Variants in GABPA observed in about 807,000 individuals in gnomAD.
The protein encoded by GABPA is GA-binding protein alpha chain.
GABPA carries 4 observed loss-of-function variants against 59.4 expected under a neutral mutation model. The observed-to-expected ratio is 0.07, with a 90% CI of 0.03 to 0.15. The LOEUF (loss-of-function observed/expected upper bound fraction) is 0.15. Ranked by LOEUF, GABPA falls within the 10% of genes least tolerant of loss-of-function variation. The pLI, the probability that GABPA is intolerant of heterozygous loss-of-function variation, is 1.00. For missense variants in GABPA, 251 were observed against 543.8 expected (o/e 0.46, Z 5.36); for synonymous variants, 164 against 183.1 (o/e 0.90, Z 0.84).
chr21:25,763,613 A>G (rs1172305085), intron 7 of GABPA, among the ~76,000 whole-genome samples: 1 of 152,202 alleles, frequency 6.6e-6, no homozygotes, highest in Non-Finnish European at 1.5e-5. Flanking sequence ...ACATGTTTAA[A>G]CATTGTTTGT....
chr21:25,742,581 T>C (rs947533452), intron 2 of GABPA, among the ~76,000 whole-genome samples: 2 of 152,120 alleles, frequency 1.3e-5, no homozygotes, highest in Non-Finnish European at 2.9e-5. Flanking sequence ...TGTATAGATA[T>C]TTGTGTTAGA....
chr21:25,759,115 G>A (rs554191199), intron 6 of GABPA, among the ~76,000 whole-genome samples: 3 of 152,202 alleles, frequency 2.0e-5, no homozygotes, highest in African/African-American at 7.2e-5. Flanking sequence ...GGCTGTCCAA[G>A]AAAACAAGGC....
rs149032768 is a variant in GABPA at position 25,746,714 on chromosome 21, G to C, written c.222+1360G>C. ...AAGTTTTTTTCTCTTAACAATGAGAGGATGAGTTAGCTTAGTCTTTTTGGA... is the reference window on the plus strand; with the variant it reads ...AAGTTTTTTTCTCTTAACAATGAGACGATGAGTTAGCTTAGTCTTTTTGGA... On this transcript the variant is annotated intron_variant, in intron 3 of 9. Coordinates refer to ENST00000400075, the MANE Select transcript of GABPA (RefSeq NM_002040.4). Among the ~76,000 whole-genome samples, 161 of 152,226 alleles carry C rather than the reference G, an allele frequency of 1.1e-3. 1 individual carries two copies. Among genetic ancestry groups the C allele is most frequent in the African/African-American group, 3.6e-3 (149 of 41,530 alleles).
At chr21:25,739,973 CTG>C (rs1193335759) in intron 1 of GABPA, among the ~76,000 whole-genome samples, 1 of 152,156 alleles carries the variant, frequency 6.6e-6, no homozygotes, top group East Asian at 1.9e-4. Flanking sequence ...TGAGAATAGA[CTG>C]TGAGGGGACA....
Position 25,741,190 on chromosome 21 carries a change from C to T in GABPA, c.-26-383C>T, listed in dbSNP as rs141347472. On this transcript the variant is annotated intron_variant, in intron 1 of 9. Transcript: ENST00000400075. ...TCGCCCATACTGGAGTGCAGTGGTG[C>T]GATCATGGCTCACTGCAGCCTCAGC... is the stretch of plus-strand genomic sequence containing the variant. 8.5e-3 allele frequency among the ~76,000 whole-genome samples: 1,288 copies of T among 152,140 alleles called. 20 individuals are homozygous for T. The highest frequency in any genetic ancestry group is 0.03 in the African/African-American group (1,226 of 41,496).
chr21:25,738,380 A>G (rs1392379636), intron 1 of GABPA, among the ~76,000 whole-genome samples: 1 of 151,968 alleles, frequency 6.6e-6, no homozygotes, highest in Non-Finnish European at 1.5e-5. Context: ...CTACTTTTCT[A>G]ATTTGTCCCT....
At chr21:25,764,511 T>C in intron 8 of GABPA, 84 bp from the exon 9 acceptor site, 1 of 1,469,652 alleles carries the variant, frequency 6.8e-7, no homozygotes, top group Admixed American at 2.1e-5. Context: ...GGCTGAGATT[T>C]AAACCACGGG....
At chr21:25,750,705 C>T (rs147777969) in intron 4 of GABPA, among the ~76,000 whole-genome samples, 1 of 152,276 alleles carries the variant, frequency 6.6e-6, no homozygotes, top group African/African-American at 2.4e-5. Context: ...TAGTTACGTA[C>T]TTCTGATCCT....
chr21:25,764,707 G>C lies in GABPA; in HGVS notation c.1056G>C (p.Gln352His). 1 of 1,612,368 alleles carries C rather than the reference G, an allele frequency of 6.2e-7. No homozygotes were observed. The highest frequency in any genetic ancestry group is 8.5e-7 in the Non-Finnish European group (1 of 1,179,078). The change falls in exon 9 of 10, where the codon CAG becomes CAC. Residue 352 changes from glutamine (Q) to histidine (H), a missense_variant. Around this residue, in one of 4 missense-constraint regions of GABPA, gnomAD observed 21 missense variants for 79.8 expected, o/e 0.26. Transcript: ENST00000400075. ...VGDEGEFKLN[Q>H]PELVAQKWGQ... ...ATGAAGGTGAATTTAAGCTAAATCA[G>C]CCTGAACTGGTTGCACAGAAATGGG...
At position 25,756,502 on chromosome 21, in the gene GABPA, G is replaced by A. The variant is rs2035640663; in HGVS notation, c.554-1508G>A. Among the ~76,000 whole-genome samples the A allele has an allele frequency of 3.3e-5, 5 of 152,148 alleles. No homozygotes were observed. In the South Asian group the frequency reaches 1.0e-3, roughly 31 times the overall value. On this transcript the variant is annotated intron_variant, in intron 5 of 9. Coordinates refer to ENST00000400075, the MANE Select transcript of GABPA (RefSeq NM_002040.4). ...AACACCCAGGTGCTACATTGCTTCAGCCCTTTAAATCTTAACACACACTGC... is the reference window on the plus strand; with the variant it reads ...AACACCCAGGTGCTACATTGCTTCAACCCTTTAAATCTTAACACACACTGC...
intron 5 of GABPA, among the ~76,000 whole-genome samples, chr21:25,755,064 T>G (rs2035601280): frequency 6.6e-6 from 1 of 151,176 alleles, no homozygotes; most frequent in South Asian, 2.1e-4. Flanking sequence ...AGAAAAAAAA[T>G]AAGAGTAAAT....
At position 25,760,979 on chromosome 21, in the gene GABPA, G is replaced by A. The variant is rs549470629; in HGVS notation, c.749-1333G>A. On this transcript the variant is annotated intron_variant, in intron 6 of 9. Transcript: ENST00000400075. Reference sequence around the variant, plus strand: ...GTGATTTTACAAGTTGATTATGCCTGTGCTGTGTGATGGTGATGCTTTCGT... The same window carrying A: ...GTGATTTTACAAGTTGATTATGCCTATGCTGTGTGATGGTGATGCTTTCGT... Among the ~76,000 whole-genome samples, 23 of 152,236 alleles carry A rather than the reference G, an allele frequency of 1.5e-4. 1 individual carries two copies. The South Asian group carries it at 4.8e-3, about 32-fold the overall frequency.
At position 25,764,802 on chromosome 21, in the gene GABPA, C is replaced by T. The variant is rs1390546487; in HGVS notation, c.1136+15C>T. On this transcript the variant is annotated intron_variant, in intron 9 of 9. Coordinates refer to ENST00000400075, the MANE Select transcript of GABPA (RefSeq NM_002040.4). ...CGTGCATTAAGGTAAGCCTTTATTA[C>T]TTTTTTTTCTGTTATCAAAAATAGA... 2.3e-5 allele frequency: 34 copies of T among 1,504,110 alleles called. No individual in the cohort carries two copies. The Admixed American group carries it at 4.1e-4, about 18-fold the overall frequency. 93.2% of individuals were successfully genotyped at this position (1,504,110 alleles called of 1,614,324 possible).
rs974689893 is a variant in GABPA at position 25,770,187 on chromosome 21, T to G, written c.*955T>G. 2 of 152,520 alleles carry G rather than the reference T, an allele frequency of 1.3e-5. No individual in the cohort carries two copies. The highest frequency in any genetic ancestry group is 4.8e-5 in the African/African-American group (2 of 41,456). 9.4% of individuals were successfully genotyped at this position (152,520 alleles called of 1,614,324 possible). On this transcript the variant is annotated 3_prime_UTR_variant, in exon 10 of 10. Transcript: ENST00000400075. ...TAAATCAGTCAGTAGTACTTTACCT[T>G]TCAAGGCATTAGTAAATTACTTGCA...
chr21:25,764,124 G>C, intron 7 of GABPA, 86 bp from the exon 8 acceptor site: 1 of 1,206,106 alleles, frequency 8.3e-7, no homozygotes, highest in Non-Finnish European at 1.2e-6. Flanking sequence ...TAGGGCATTA[G>C]TTAAAGTGAT....
intron 7 of GABPA, among the ~76,000 whole-genome samples, 193 bp downstream of exon 7, chr21:25,762,558 A>G (rs2035790567): frequency 6.6e-6 from 1 of 152,232 alleles, no homozygotes; most frequent in South Asian, 2.1e-4. Flanking sequence ...TACGATTAAC[A>G]TAACAGCTTG....
chr21:25,760,308 G>A (rs2035734299), intron 6 of GABPA, among the ~76,000 whole-genome samples: 1 of 152,172 alleles, frequency 6.6e-6, no homozygotes, highest in Admixed American at 6.5e-5. Flanking sequence ...TTTGAGCTCA[G>A]TGTAGTTAGT....
In GABPA at chr21:25,758,065, G is replaced by A. The variant is rs1368220953; in HGVS notation, c.609G>A (p.Lys203=). 1 of 1,605,820 alleles carries A rather than the reference G, an allele frequency of 6.2e-7. No homozygotes were observed. The highest frequency in any genetic ancestry group is 8.5e-7 in the Non-Finnish European group (1 of 1,177,018). The change falls in exon 6 of 10, where the codon AAG becomes AAA. Residue 203 remains lysine (K), a synonymous_variant. Coordinates refer to ENST00000400075, the MANE Select transcript of GABPA (RefSeq NM_002040.4). ...QVLHWVVWVM[K]EFSMTDIDLT... ...TGCATTGGGTGGTTTGGGTAATGAA[G>A]GAATTCAGCATGACCGATATAGACC... is the stretch of plus-strand genomic sequence containing the variant.
In GABPA at chr21:25,768,115, A is replaced by G. The variant is rs71651654; in HGVS notation, c.1137-889A>G. ...AGCAATACATAGTGTGTGTTTAAAT[A>G]AAGTCTGTTTTCCAAAGGAAACATA... On this transcript the variant is annotated intron_variant, in intron 9 of 9. Transcript: ENST00000400075. 8.6e-3 allele frequency among the ~76,000 whole-genome samples: 1,311 copies of G among 152,132 alleles called. 17 individuals are homozygous for G. Among genetic ancestry groups the G allele is most frequent in the African/African-American group, 0.03 (1,230 of 41,518 alleles).
Sources: allele counts gnomAD v4.1 joint callset (sites outside exome capture counted in the v4.1 genomes callset), GRCh38; gene constraint gnomAD v4.1.1; regional missense constraint gnomAD v4.1.1; transcripts MANE v1.5; gene names NCBI Gene and HGNC (gene_info 2026-07-23, HGNC 2026-07-21).